The following KDM5A variants were observed in gnomAD, a reference collection of about 807,000 sequenced individuals.
KDM5A encodes the protein lysine-specific demethylase 5A.
KDM5A carries 42 observed loss-of-function variants against 193.5 expected under a neutral mutation model. The ratio of observed to expected loss-of-function variants is 0.22; its 90% confidence interval spans 0.17 to 0.28. KDM5A has a LOEUF of 0.28. Ranked by LOEUF, KDM5A falls within the 10% of genes least tolerant of loss-of-function variation. The pLI, the probability that KDM5A is intolerant of heterozygous loss-of-function variation, is 1.00. For missense variants in KDM5A, 1,692 were observed against 2,055.1 expected (o/e 0.82, Z 3.42); for synonymous variants, 796 against 718.1 (o/e 1.11, Z -1.73).
At position 333,660 on chromosome 12, in the gene KDM5A, A is replaced by T. The variant is rs1943890324; in HGVS notation, c.1491-11T>A. On this transcript the variant is annotated splice_polypyrimidine_tract_variant and intron_variant, in intron 11 of 27. Coordinates refer to ENST00000399788, the MANE Select transcript of KDM5A (RefSeq NM_001042603.3). Reference sequence around the variant, plus strand: ...GTCTTTGGCTCCCCCCTAGCAAAAGAAGTAACTGTTTAGCTAGGCAGAACA... The same window carrying T: ...GTCTTTGGCTCCCCCCTAGCAAAAGTAGTAACTGTTTAGCTAGGCAGAACA... The T allele has an allele frequency of 6.2e-7, 1 of 1,613,798 alleles. No individual in the cohort carries two copies. The highest frequency in any genetic ancestry group is 8.5e-7 in the Non-Finnish European group (1 of 1,179,794).
chr12:283,566 C>T lies in KDM5A; in HGVS notation c.*1890G>A, dbSNP rs1043558041. 3.4e-5 allele frequency: 8 copies of T among 232,758 alleles called. No individual in the cohort carries two copies. Among genetic ancestry groups the T allele is most frequent in the Non-Finnish European group, 6.8e-5 (8 of 117,660 alleles). The allele number at this position is 232,758 out of a possible 1,614,324, so 14.4% of individuals were successfully genotyped here. On this transcript the variant is annotated 3_prime_UTR_variant, in exon 28 of 28. Coordinates refer to ENST00000399788, the MANE Select transcript of KDM5A (RefSeq NM_001042603.3). The stretch of plus-strand genomic sequence containing the variant: ...AAAACATCTTTTTTTTTGTAAGATT[C>T]CTTTTGAGTTAAATCTCATACCCAC...
intron 27 of KDM5A, chr12:286,189 C>T (rs1357798132): frequency 3.9e-6 from 2 of 507,050 alleles, no homozygotes; most frequent in Admixed American, 2.1e-5. Flanking sequence ...TTCTCTTCTT[C>T]CGTTACAAAT....
chr12:294,313 A>G (rs1350301161), intron 26 of KDM5A, among the ~76,000 whole-genome samples: 1 of 152,198 alleles, frequency 6.6e-6, no homozygotes, highest in Non-Finnish European at 1.5e-5. Flanking sequence ...GGAATAAGAG[A>G]AAGAAATACT....
chr12:371,596 G>A (rs935948159), intron 3 of KDM5A, among the ~76,000 whole-genome samples: 4 of 152,148 alleles, frequency 2.6e-5, no homozygotes, highest in African/African-American at 9.7e-5. Context: ...TTGTGCAGAA[G>A]TTCTTTAGTT....
intron 10 of KDM5A, among the ~76,000 whole-genome samples, chr12:340,710 A>AC (rs1198536607): frequency 6.6e-6 from 1 of 151,490 alleles, no homozygotes; most frequent in Non-Finnish European, 1.5e-5. Context: ...AAAAAAAAAA[A>AC]AAAAAAAAAC....
At chr12:385,375 T>C (rs1224844372) in intron 2 of KDM5A, among the ~76,000 whole-genome samples, 3 of 151,784 alleles carry the variant, frequency 2.0e-5, no homozygotes, top group Non-Finnish European at 4.4e-5. Flanking sequence ...TACACTTCCA[T>C]TTAGAAAATT....
chr12:309,540 C>T (rs1943554603), intron 22 of KDM5A, among the ~76,000 whole-genome samples: 1 of 152,054 alleles, frequency 6.6e-6, no homozygotes, highest in African/African-American at 2.4e-5. Flanking sequence ...AAACTATGGA[C>T]AACTTGATGG....
At position 309,878 on chromosome 12, in the gene KDM5A, T is replaced by G. The variant is rs745454270; in HGVS notation, c.3303A>C (p.Lys1101Asn). Reference sequence around the variant, plus strand: ...GAGGCTCCAGGTCCAGATCCTTTTCTTTTTCTTTTTCTATTAGTTCTTTTA... The same window carrying G: ...GAGGCTCCAGGTCCAGATCCTTTTCGTTTTCTTTTTCTATTAGTTCTTTTA... ...KKVKELIEKE[K>N]EKDLDLEPLS... The change falls in exon 22 of 28, where the codon AAA becomes AAC. Residue 1101 changes from lysine to asparagine, a missense_variant. This residue lies in a region of KDM5A where 965 missense variants were observed against 1,061.0 expected (regional missense o/e 0.91). Coordinates refer to ENST00000399788, the MANE Select transcript of KDM5A (RefSeq NM_001042603.3). 1 of 1,613,844 alleles carries G rather than the reference T, an allele frequency of 6.2e-7. No homozygotes were observed. Among genetic ancestry groups the G allele is most frequent in the Non-Finnish European group, 8.5e-7 (1 of 1,179,916 alleles).
intron 20 of KDM5A, among the ~76,000 whole-genome samples, chr12:312,284 C>T (rs1591907710): frequency 6.6e-6 from 1 of 152,286 alleles, no homozygotes; most frequent in African/African-American, 2.4e-5. Flanking sequence ...GAAGACTCTA[C>T]TTTTATACCC....
intron 7 of KDM5A, among the ~76,000 whole-genome samples, chr12:354,715 C>T (rs1375661388): frequency 6.6e-6 from 1 of 151,678 alleles, no homozygotes; most frequent in African/African-American, 2.4e-5. Context: ...TGCAGTGAGC[C>T]GAGATCGCAC....
intron 3 of KDM5A, among the ~76,000 whole-genome samples, chr12:380,610 C>A (rs1214518620): frequency 2.0e-5 from 3 of 151,854 alleles, no homozygotes; most frequent in Non-Finnish European, 4.4e-5. Context: ...CCAGTCCCAG[C>A]TACTCAGAAG....
chr12:358,424 T>C (rs906123378), intron 5 of KDM5A, among the ~76,000 whole-genome samples: 1 of 152,204 alleles, frequency 6.6e-6, no homozygotes, highest in Non-Finnish European at 1.5e-5. Flanking sequence ...ACTTCTACTG[T>C]TAGTCGAACA....
chr12:294,117 A>G (rs1168178557), intron 26 of KDM5A, among the ~76,000 whole-genome samples: 3 of 152,226 alleles, frequency 2.0e-5, no homozygotes, highest in Non-Finnish European at 4.4e-5. Context: ...AATTGTATCC[A>G]TGATCTCATT....
At chr12:333,928 G>A (rs1229182610) in intron 11 of KDM5A, among the ~76,000 whole-genome samples, 2 of 152,114 alleles carry the variant, frequency 1.3e-5, no homozygotes, top group Non-Finnish European at 1.5e-5. Context: ...ACCTTCAAAC[G>A]GGAAAGACAC....
At chr12:366,987 C>G (rs1346033451) in intron 3 of KDM5A, among the ~76,000 whole-genome samples, 3 of 152,192 alleles carry the variant, frequency 2.0e-5, no homozygotes, top group African/African-American at 7.2e-5. Context: ...AGTAGAGTAA[C>G]AGGCTGTACA....
chr12:301,332 G>A (rs144068517), intron 24 of KDM5A, among the ~76,000 whole-genome samples: 2,232 of 152,244 alleles, frequency 0.015, 50 homozygotes, highest in African/African-American at 0.05. Context: ...TATCCACCAC[G>A]ATCAAGTCAG....
chr12:284,624 C>T lies in KDM5A; in HGVS notation c.*832G>A, dbSNP rs1943195921. 1 of 231,798 alleles carries T rather than the reference C, an allele frequency of 4.3e-6. No individual in the cohort carries two copies. 14.4% of individuals were successfully genotyped at this position (231,798 alleles called of 1,614,324 possible). ...GTAAGATAGTACGACTGGTCATCAT[C>T]GTCATCTTCTTCTCTTTTTTTTTTT... On this transcript the variant is annotated 3_prime_UTR_variant, in exon 28 of 28. Coordinates refer to ENST00000399788, the MANE Select transcript of KDM5A (RefSeq NM_001042603.3).
chr12:319,401 T>C (rs1349031717), intron 18 of KDM5A, among the ~76,000 whole-genome samples: 1 of 152,168 alleles, frequency 6.6e-6, no homozygotes, highest in East Asian at 1.9e-4. Context: ...AGCCAGCACT[T>C]GTTTAAATAT....
chr12:305,516 G>A (rs1296202257), intron 24 of KDM5A, among the ~76,000 whole-genome samples: 1 of 152,144 alleles, frequency 6.6e-6, no homozygotes, highest in Admixed American at 6.6e-5. Context: ...AAAAGATAGT[G>A]AAGGGGTAGG....
Sources: gnomAD v4.1 joint callset for allele counts (sites outside exome capture counted in the v4.1 genomes callset) on GRCh38, gnomAD v4.1.1 for gene constraint, gnomAD v4.1.1 regional missense constraint, MANE v1.5 for transcripts, NCBI Gene and HGNC (gene_info 2026-07-23, HGNC 2026-07-21) for gene names.